The following WDR70 variants were observed in gnomAD, a reference collection of about 807,000 sequenced individuals.
WDR70 encodes WD repeat-containing protein 70.
WDR70 carries 53 observed loss-of-function variants against 88.6 expected under a neutral mutation model. That is an observed-to-expected ratio of 0.60 (90% CI 0.48 to 0.75). WDR70 has a LOEUF of 0.75. Ranked by LOEUF, WDR70 falls within the 30% of genes least tolerant of loss-of-function variation. The pLI is 0.00. For missense variants in WDR70, 610 were observed against 823.2 expected, an observed-to-expected ratio of 0.74 and a Z score of 3.17; for synonymous variants, 280 against 270.0, an observed-to-expected ratio of 1.04 and a Z score of -0.36.
chr5:37,416,835 A>G (rs1749771703), intron 5 of WDR70, among the ~76,000 whole-genome samples: 1 of 152,090 alleles, frequency 6.6e-6, no homozygotes, highest in South Asian at 2.1e-4. Flanking sequence ...TTGGCCTCCT[A>G]AAGTGCTGGG....
chr5:37,505,993 A>G (rs1239895574), intron 8 of WDR70: 5 of 1,586,848 alleles, frequency 3.2e-6, no homozygotes, highest in Admixed American at 1.7e-5. Flanking sequence ...AGTTTCAGGG[A>G]TGCTCCTTCT....
chr5:37,571,126 A>AT (rs1210549417), intron 9 of WDR70, among the ~76,000 whole-genome samples: 1 of 152,140 alleles, frequency 6.6e-6, no homozygotes, highest in African/African-American at 2.4e-5. Flanking sequence ...TGAAAGCTTG[A>AT]TTTTGAATAT....
At chr5:37,470,136 C>CA (rs60159670) in intron 7 of WDR70, among the ~76,000 whole-genome samples, 73,551 of 115,556 alleles carry the variant, frequency 0.64, 18,564 homozygotes, top group East Asian at 0.71. Flanking sequence ...AAAACAAAAA[C>CA]AAAAAAAAAC....
intron 7 of WDR70, among the ~76,000 whole-genome samples, chr5:37,452,006 A>G (rs1373846919): frequency 6.6e-6 from 1 of 152,194 alleles, no homozygotes; most frequent in Non-Finnish European, 1.5e-5. Flanking sequence ...AACAACAACA[A>G]CAACAACAAA....
intron 8 of WDR70, among the ~76,000 whole-genome samples, chr5:37,485,668 A>G (rs1739839357): frequency 6.6e-6 from 1 of 151,914 alleles, no homozygotes; most frequent in African/African-American, 2.4e-5. Flanking sequence ...AATATATATT[A>G]TTTATTTATT....
intron 9 of WDR70, among the ~76,000 whole-genome samples, chr5:37,530,676 T>A (rs531541296): frequency 2.9e-4 from 44 of 152,088 alleles, no homozygotes; most frequent in African/African-American, 1.0e-3. Flanking sequence ...TAATTGTGCT[T>A]ATTTGGATTT....
intron 10 of WDR70, among the ~76,000 whole-genome samples, chr5:37,630,614 G>A (rs1351858201): frequency 1.3e-5 from 2 of 152,160 alleles, no homozygotes; most frequent in Non-Finnish European, 2.9e-5. Flanking sequence ...TAGTGCAATT[G>A]GGAGTGTGGC....
At chr5:37,426,198 A>G (rs1333674969) in intron 5 of WDR70, among the ~76,000 whole-genome samples, 1 of 152,228 alleles carries the variant, frequency 6.6e-6, no homozygotes, top group Non-Finnish European at 1.5e-5. Context: ...TGGAAACCAA[A>G]AGGAAGATTG....
At chr5:37,649,460 G>T (rs186676996) in intron 10 of WDR70, among the ~76,000 whole-genome samples, 143 of 149,670 alleles carry the variant, frequency 9.6e-4, no homozygotes, top group African/African-American at 3.2e-3. Context: ...ACAAGATGGT[G>T]GGATGAGAGC....
chr5:37,687,380 G>A (rs1258803892), intron 10 of WDR70, among the ~76,000 whole-genome samples: 2 of 152,136 alleles, frequency 1.3e-5, no homozygotes, highest in African/African-American at 2.4e-5. Context: ...TTAATTTTGA[G>A]TGCATCTCTC....
intron 8 of WDR70, among the ~76,000 whole-genome samples, chr5:37,487,451 G>A (rs1214761249): frequency 6.7e-6 from 1 of 150,118 alleles, no homozygotes; most frequent in Non-Finnish European, 1.5e-5. Flanking sequence ...GTTAAAGGAA[G>A]CAATTTATTA....
chr5:37,572,089 T>G (rs1030642037), intron 9 of WDR70, among the ~76,000 whole-genome samples: 1 of 152,124 alleles, frequency 6.6e-6, no homozygotes, highest in Non-Finnish European at 1.5e-5. Context: ...AGCTGAGGAA[T>G]TATGTTCTGT....
rs112922952 is a variant in WDR70, at chr5:37,536,047, A to C, written c.917+19457A>C. On this transcript the variant is annotated intron_variant, in intron 9 of 17. Transcript: ENST00000265107. ...CAGTATTCTCCCCTTTGGAAGGACA[A>C]ATTTCCTTTGCATTGAATTTCTCTT... Among the ~76,000 whole-genome samples, 262 of 152,224 alleles carry C rather than the reference A, an allele frequency of 1.7e-3. 2 individuals are homozygous for C. Among genetic ancestry groups the C allele is most frequent in the African/African-American group, 6.1e-3 (254 of 41,548 alleles).
chr5:37,421,172 T>A (rs1749934670), intron 5 of WDR70, among the ~76,000 whole-genome samples: 1 of 152,130 alleles, frequency 6.6e-6, no homozygotes, highest in African/African-American at 2.4e-5. Flanking sequence ...AGGTTTCAAA[T>A]TTAGGGAAGC....
intron 10 of WDR70, among the ~76,000 whole-genome samples, chr5:37,692,976 C>T (rs1363269404): frequency 1.3e-5 from 2 of 152,230 alleles, no homozygotes; most frequent in African/African-American, 4.8e-5. Context: ...CCCATTGTCT[C>T]ATCCCAAAAT....
intron 9 of WDR70, among the ~76,000 whole-genome samples, chr5:37,562,761 G>C (rs570097137): frequency 2.0e-5 from 3 of 151,994 alleles, no homozygotes; most frequent in Admixed American, 6.5e-5. Flanking sequence ...CACAGGGTTG[G>C]GGGTAAGGTC....
At chr5:37,667,990 C>T (rs1198044279) in intron 10 of WDR70, among the ~76,000 whole-genome samples, 2 of 152,000 alleles carry the variant, frequency 1.3e-5, no homozygotes, top group African/African-American at 4.8e-5. Flanking sequence ...CAAGACAAGG[C>T]CATGGTGTGC....
chr5:37,738,295 TGTGGTTTATA>T (rs1421055985), intron 17 of WDR70, among the ~76,000 whole-genome samples: 2 of 152,156 alleles, frequency 1.3e-5, no homozygotes, highest in African/African-American at 4.8e-5. Context: ...CAAAAAAGCT[TGTGGTTTATA>T]CTCATGTGCT....
intron 9 of WDR70, among the ~76,000 whole-genome samples, chr5:37,592,276 T>C (rs576874577): frequency 1.5e-4 from 23 of 152,334 alleles, no homozygotes; most frequent in African/African-American, 5.5e-4. Context: ...TCAAACAGTG[T>C]GTGTACATTG....
Sources: gnomAD v4.1 joint callset for allele counts (sites outside exome capture counted in the v4.1 genomes callset) on GRCh38, gnomAD v4.1.1 for gene constraint, MANE v1.5 for transcripts, NCBI Gene and HGNC (gene_info 2026-07-23, HGNC 2026-07-21) for gene names.